ANK3: variants seen among roughly 807,000 people sequenced by gnomAD.
The protein encoded by ANK3 is ankyrin 3, also known as ankyrin-3.
Under a neutral mutation model 370.9 loss-of-function variants are expected in ANK3, and 57 were observed. The observed-to-expected ratio is 0.15, with a 90% CI of 0.12 to 0.19. The LOEUF is 0.19. Among genes scored for constraint, ANK3 ranks in the 10% least tolerant of loss-of-function variants. The pLI, the probability that ANK3 is intolerant of heterozygous loss-of-function variation, is 1.00. For synonymous variants in ANK3, 1,929 were observed against 1,946.3 expected (o/e 0.99, Z 0.23); for missense variants, 4,439 against 5,302.1 (o/e 0.84, Z 5.06).
intron 2 of ANK3, among the ~76,000 whole-genome samples, chr10:60,397,571 T>C (rs1049313170): frequency 2.0e-5 from 3 of 152,112 alleles, no homozygotes; most frequent in African/African-American, 7.2e-5. Context: ...GTAACACAGA[T>C]TGGCACTCAG....
chr10:60,105,972 A>G lies in ANK3; in HGVS notation c.3261T>C (p.Thr1087=), dbSNP rs1262450106. Residue 1087 remains threonine (T), a synonymous_variant, in exon 28 of 44, where the codon ACT becomes ACC. Coordinates refer to ENST00000280772, the MANE Select transcript of ANK3 (RefSeq NM_020987.5). ...LIVLRSENGE[T]WKEHQFDSKN... ...TGCTGTCAAACTGATGCTCCTTCCA[A>G]GTTTCACCATTTTCACTTCGAAGAA... 1 of 1,612,966 alleles carries G rather than the reference A, an allele frequency of 6.2e-7. No individual in the cohort carries two copies. The highest frequency in any genetic ancestry group is 1.7e-5 in the Admixed American group (1 of 59,906).
At position 60,073,927 on chromosome 10, in the gene ANK3, C is replaced by T. The variant is rs762797658; in HGVS notation, c.6954G>A (p.Lys2318=). The part of the protein sequence containing the change: ...AAETSAQHAE[K]DNQMKPKLER... ...CCAGTTTGGGTTTCATTTGGTTGTC[C>T]TTCTCTGCATGCTGGGCTGAGGTTT... Residue 2318 remains lysine, a synonymous_variant, in exon 37 of 44, where the codon AAG becomes AAA. Coordinates refer to ENST00000280772, the MANE Select transcript of ANK3 (RefSeq NM_020987.5). 3.7e-6 allele frequency: 6 copies of T among 1,613,918 alleles called. No homozygotes were observed. In the South Asian group the frequency reaches 6.6e-5, roughly 18 times the overall value.
At chr10:60,564,647 A>C (rs932519390) in intron 2 of ANK3, among the ~76,000 whole-genome samples, 5 of 152,194 alleles carry the variant, frequency 3.3e-5, no homozygotes, top group African/African-American at 1.2e-4. Flanking sequence ...ACTCGCCCTT[A>C]AAAAATGAAT....
chr10:60,389,791 G>T lies in ANK3; in HGVS notation c.-253C>A. On this transcript the variant is annotated 5_prime_UTR_variant, in exon 1 of 44. Transcript: ENST00000280772. ...TACAGGAGAGTGCAGCCATCGTAAT[G>T]CATTTACCGTAGTGAAGAAGACAGC... 7.7e-7 allele frequency: 1 copy of T among 1,294,380 alleles called. No homozygotes were observed. The highest frequency in any genetic ancestry group is 3.4e-5 in the East Asian group (1 of 29,836). 80.2% of individuals were successfully genotyped at this position (1,294,380 alleles called of 1,614,324 possible).
chr10:60,231,322 C>A (rs1723600750), intron 8 of ANK3, among the ~76,000 whole-genome samples: 1 of 152,168 alleles, frequency 6.6e-6, no homozygotes, highest in Non-Finnish European at 1.5e-5. Flanking sequence ...TCTGTGAGCA[C>A]CCAGGCAGGG....
At position 60,102,081 on chromosome 10, in the gene ANK3, A is replaced by G. The variant is rs914810382; in HGVS notation, c.3328+3824T>C. Among the ~76,000 whole-genome samples the G allele has an allele frequency of 2.0e-5, 3 of 151,526 alleles. No homozygotes were observed. In the East Asian group the frequency reaches 5.8e-4, roughly 29 times the overall value. ...TGTGTCATCATAATCAACGATGACC[A>G]GGGCTTTTACTAGCTGATGTAGTGT... On this transcript the variant is annotated intron_variant, in intron 28 of 43. Coordinates refer to ENST00000280772, the MANE Select transcript of ANK3 (RefSeq NM_020987.5).
At chr10:60,650,748 G>A (rs2078777146) in intron 1 of ANK3, among the ~76,000 whole-genome samples, 1 of 152,126 alleles carries the variant, frequency 6.6e-6, no homozygotes, top group South Asian at 2.1e-4. Context: ...TCTCCACTCA[G>A]CTTCAAAGTT....
At chr10:60,392,161 A>T (rs921314263), upstream of ANK3, among the ~76,000 whole-genome samples, 4 of 152,200 alleles carry the variant, frequency 2.6e-5, no homozygotes, top group Non-Finnish European at 5.9e-5. Context: ...CTTATTCTCA[A>T]CACAAAGGCA....
intron 1 of ANK3, among the ~76,000 whole-genome samples, chr10:60,329,601 G>C (rs187316551): frequency 1.3e-5 from 2 of 152,160 alleles, no homozygotes; most frequent in African/African-American, 2.4e-5. Context: ...TCTTCAAAGA[G>C]AACTACAAAC....
chr10:60,624,753 A>G (rs1191298582), intron 1 of ANK3, among the ~76,000 whole-genome samples: 1 of 151,104 alleles, frequency 6.6e-6, no homozygotes, highest in African/African-American at 2.4e-5. Flanking sequence ...GGTGGAATTG[A>G]GGAGGCATGA....
chr10:60,410,907 C>T (rs1292719957), intron 2 of ANK3, among the ~76,000 whole-genome samples: 1 of 152,074 alleles, frequency 6.6e-6, no homozygotes. Context: ...CTCCCGGCCT[C>T]AGGCAATCCT....
chr10:60,067,877 G>C, intron 38 of ANK3, 58 bp downstream of exon 38: 1 of 1,405,450 alleles, frequency 7.1e-7, no homozygotes. Flanking sequence ...AACTGCTTGT[G>C]AGTAAGACAA....
chr10:60,291,032 T>C (rs972466484), intron 1 of ANK3, among the ~76,000 whole-genome samples: 12 of 152,104 alleles, frequency 7.9e-5, no homozygotes, highest in African/African-American at 2.4e-4. Context: ...TCACTCAGAA[T>C]TCAGACCCCT....
rs1212851527 is a variant in ANK3, at chr10:60,396,756, CTAAG to C, written c.97-117121_97-117118del. On this transcript the variant is annotated intron_variant, in intron 2 of 43. Coordinates refer to the ANK3 transcript ENST00000373827. ...CCAAAAGGAAATATAATGAAAGTAA[CTAAG>C]TAAGGCAAAATAGCTCTTACGCCAA... Among the ~76,000 whole-genome samples, 11 of 152,120 alleles carry C rather than the reference CTAAG, an allele frequency of 7.2e-5. No homozygotes were observed. In the East Asian group the frequency reaches 1.9e-3, roughly 27 times the overall value.
In ANK3 at chr10:60,072,052, T is replaced by C. The variant is rs771025190; in HGVS notation, c.8829A>G (p.Gly2943=). ...YVVKEGDHPG[G]LLDQPSRRSE... ...TCCTCCTGGAAGGCTGATCAAGCAA[T>C]CCGCCTGGATGGTCCCCTTCTTTCA... The change falls in exon 37 of 44, where the codon GGA becomes GGG. Residue 2943 remains glycine (G), a synonymous_variant. Coordinates refer to ENST00000280772, the MANE Select transcript of ANK3 (RefSeq NM_020987.5). The C allele has an allele frequency of 6.2e-7, 1 of 1,614,098 alleles. No individual in the cohort carries two copies.
At chr10:60,561,996 T>C (rs1009869586) in intron 2 of ANK3, among the ~76,000 whole-genome samples, 1 of 152,254 alleles carries the variant, frequency 6.6e-6, no homozygotes, top group African/African-American at 2.4e-5. Flanking sequence ...TGTTCACTCA[T>C]GTATTCCTTG....
rs193156334 is a variant in ANK3, at chr10:60,638,654, A to G, written c.58-23430T>C. 3.1e-3 allele frequency among the ~76,000 whole-genome samples: 475 copies of G among 152,218 alleles called. 3 individuals are homozygous for G. Among genetic ancestry groups the G allele is most frequent in the African/African-American group, 0.011 (443 of 41,574 alleles). On this transcript the variant is annotated intron_variant, in intron 1 of 43. Transcript: ENST00000373827. ...AATATTCTCAAGCCTATAAAGGAAA[A>G]TACAACCATAATAAAGAGAGAACTA... is the stretch of plus-strand genomic sequence containing the variant.
chr10:60,352,158 A>G (rs763090265), intron 1 of ANK3, among the ~76,000 whole-genome samples: 39 of 152,088 alleles, frequency 2.6e-4, no homozygotes, highest in Admixed American at 7.2e-4. Flanking sequence ...TTAGTCAGGC[A>G]TGGTGAGGTG....
intron 1 of ANK3, chr10:60,300,426 T>C: frequency 1.6e-6 from 2 of 1,288,924 alleles, no homozygotes; most frequent in East Asian, 5.6e-5. Flanking sequence ...CATCTAAAAA[T>C]ATCTGCCTTC....
Sources: allele counts gnomAD v4.1 joint callset (sites outside exome capture counted in the v4.1 genomes callset), GRCh38; gene constraint gnomAD v4.1.1; transcripts MANE v1.5; gene names NCBI Gene and HGNC (gene_info 2026-07-23, HGNC 2026-07-21).